Variants in ANO4 observed in about 807,000 individuals in gnomAD.
The protein encoded by ANO4 is anoctamin-4.
A neutral mutation model predicts 141.9 loss-of-function variants in ANO4; 69 were observed. The observed-to-expected ratio is 0.49, with a 90% confidence interval of 0.40 to 0.59. The LOEUF is 0.59. ANO4 is among the 20% of genes least tolerant of loss of function. The pLI, the probability that ANO4 is intolerant of heterozygous loss-of-function variation, is 0.00. For missense variants in ANO4, 894 were observed against 1,162.2 expected, an observed-to-expected ratio of 0.77 and a Z score of 3.36; for synonymous variants, 350 against 394.3, an observed-to-expected ratio of 0.89 and a Z score of 1.33.
chr12:101,011,011 G>T (rs1182547323), intron 8 of ANO4, among the ~76,000 whole-genome samples: 1 of 152,154 alleles, frequency 6.6e-6, no homozygotes. Flanking sequence ...GTCCAAAATG[G>T]TCTCTGTCAT....
At position 100,750,191 on chromosome 12, in the gene ANO4, G is replaced by T. The variant is rs550140102; in HGVS notation, c.358+10086G>T. Reference sequence around the variant, plus strand: ...ACTCCATCATCCAGGCTGTAGTGCAGTGGCATGATCTTGGCTCACTGCAAC... The same window carrying T: ...ACTCCATCATCCAGGCTGTAGTGCATTGGCATGATCTTGGCTCACTGCAAC... On this transcript the variant is annotated intron_variant, in intron 3 of 29. Transcript: ENST00000644049. Among the ~76,000 whole-genome samples, 196 of 151,606 alleles carry T rather than the reference G, an allele frequency of 1.3e-3. 2 individuals are homozygous for T. The highest frequency in any genetic ancestry group is 4.7e-3 in the African/African-American group (192 of 41,280).
chr12:100,811,255 G>T (rs891028041), intron 1 of ANO4, among the ~76,000 whole-genome samples: 2 of 152,072 alleles, frequency 1.3e-5, no homozygotes, highest in Non-Finnish European at 2.9e-5. Flanking sequence ...ATTGCTTTTA[G>T]CTAAAATCAA....
intron 10 of ANO4, chr12:101,039,037 A>G (rs1318700932): frequency 6.6e-6 from 1 of 152,210 alleles, no homozygotes; most frequent in Non-Finnish European, 1.5e-5. Flanking sequence ...TCAGAAAAAC[A>G]TGCACTTCTC....
At position 100,939,376 on chromosome 12, in the gene ANO4, T is replaced by A. The variant is rs772916802; in HGVS notation, c.222T>A (p.Asp74Glu). The A allele has an allele frequency of 6.2e-7, 1 of 1,613,814 alleles. No homozygotes were observed. Among genetic ancestry groups the A allele is most frequent in the South Asian group, 1.1e-5 (1 of 91,056 alleles). The change falls in exon 4 of 28, where the codon GAT becomes GAA. Residue 74 changes from aspartate (D) to glutamate (E), a missense_variant. Around this residue, in one of 2 missense-constraint regions of ANO4, gnomAD observed 257 missense variants for 253.0 expected, o/e 1.02. Transcript: ENST00000392977. ...AAGCTGTCAGCAGTCCTTGCAAAGA[T>A]GACGATTCTCTTCTTCACCCTGGAA... Reference protein sequence around the residue: ...ELEAVSSPCKDDDSLLHPGNL... With the variant: ...ELEAVSSPCKEDDSLLHPGNL...
At chr12:101,086,114 G>A (rs1368264642) in intron 16 of ANO4, among the ~76,000 whole-genome samples, 3 of 150,832 alleles carry the variant, frequency 2.0e-5, no homozygotes, top group African/African-American at 7.4e-5. Context: ...GTGTGTGTGT[G>A]TGTGTGTGTG....
At chr12:100,803,615 C>T (rs1291339163) in intron 1 of ANO4, among the ~76,000 whole-genome samples, 1 of 152,144 alleles carries the variant, frequency 6.6e-6, no homozygotes, top group Non-Finnish European at 1.5e-5. Context: ...GAAAATGTCT[C>T]CTAGCGGTGG....
At chr12:100,987,419 G>T in intron 7 of ANO4, 120 bp from the exon 8 acceptor site, 1 of 1,219,674 alleles carries the variant, frequency 8.2e-7, no homozygotes, top group East Asian at 2.4e-5. Context: ...TATCCTGAGT[G>T]CAGTGAGAGG....
At position 100,840,653 on chromosome 12, in the gene ANO4, G is replaced by A. The variant is rs2037191668; in HGVS notation, c.-141+45626G>A. Among the ~76,000 whole-genome samples, 4 of 152,244 alleles carry A rather than the reference G, an allele frequency of 2.6e-5. No homozygotes were observed. In the South Asian group the frequency reaches 6.2e-4, roughly 24 times the overall value. ...CCTATATCCCATTTTCTGAGTCACA[G>A]TCCCTCAGACATGTGAAGGCAGCAA... On this transcript the variant is annotated intron_variant, in intron 1 of 27. Transcript: ENST00000392977.
intron 1 of ANO4, among the ~76,000 whole-genome samples, chr12:100,876,134 G>T (rs192861011): frequency 6.6e-5 from 10 of 152,060 alleles, no homozygotes; most frequent in Non-Finnish European, 1.0e-4. Context: ...TTTATTTTTC[G>T]CCAGGCCCTA....
At chr12:100,914,593 A>C (rs1229078011) in intron 2 of ANO4, among the ~76,000 whole-genome samples, 1 of 152,194 alleles carries the variant, frequency 6.6e-6, no homozygotes, top group African/African-American at 2.4e-5. Context: ...GCCACACACA[A>C]AAAAAGGATT....
intron 10 of ANO4, among the ~76,000 whole-genome samples, chr12:101,037,979 A>C (rs868779182): frequency 1.3e-5 from 2 of 152,062 alleles, no homozygotes; most frequent in South Asian, 4.2e-4. Flanking sequence ...AGACGGTTCC[A>C]ACTCTCCGTA....
chr12:100,957,650 G>T (rs1251114801), intron 5 of ANO4, among the ~76,000 whole-genome samples: 1 of 152,092 alleles, frequency 6.6e-6, no homozygotes, highest in Non-Finnish European at 1.5e-5. Flanking sequence ...GAGTGCAGTG[G>T]CGCGATCTCA....
intron 3 of ANO4, among the ~76,000 whole-genome samples, chr12:100,773,128 C>T (rs772176160): frequency 6.6e-6 from 1 of 152,210 alleles, no homozygotes; most frequent in Non-Finnish European, 1.5e-5. Flanking sequence ...GATTAAGTGT[C>T]TGGTGAATGC....
chr12:100,833,206 A>G (rs1593460188), intron 1 of ANO4, among the ~76,000 whole-genome samples: 2 of 152,278 alleles, frequency 1.3e-5, no homozygotes, highest in East Asian at 3.9e-4. Context: ...CTTTTCAAAA[A>G]GTAATTAAAA....
At chr12:100,952,799 G>C (rs1266185414) in intron 5 of ANO4, among the ~76,000 whole-genome samples, 1 of 152,074 alleles carries the variant, frequency 6.6e-6, no homozygotes, top group Non-Finnish European at 1.5e-5. Context: ...CCTCATTATT[G>C]CCTCAACTGC....
chr12:100,881,349 C>T (rs1368370646), intron 1 of ANO4, among the ~76,000 whole-genome samples: 4 of 151,238 alleles, frequency 2.6e-5, no homozygotes, highest in African/African-American at 9.7e-5. Context: ...AAAACCCATT[C>T]CTTTATATTA....
chr12:100,732,423 GTTTTC>G (rs578196536), intron 1 of ANO4, among the ~76,000 whole-genome samples: 91 of 152,038 alleles, frequency 6.0e-4, no homozygotes, highest in African/African-American at 2.1e-3. Context: ...CAGCTTATTT[GTTTTC>G]TTATTGTTGT....
At chr12:100,734,266 A>G (rs2031514046) in intron 2 of ANO4, among the ~76,000 whole-genome samples, 1 of 152,226 alleles carries the variant, frequency 6.6e-6, no homozygotes, top group Non-Finnish European at 1.5e-5. Flanking sequence ...TGCTGTTTGG[A>G]GAACATGCTA....
At chr12:101,123,605 A>G (rs1424529946) in intron 26 of ANO4, among the ~76,000 whole-genome samples, 4 of 152,140 alleles carry the variant, frequency 2.6e-5, no homozygotes, top group East Asian at 3.9e-4. Flanking sequence ...TTTGCTGAGG[A>G]TAACAGCTTC....
Sources: gnomAD v4.1 joint callset for allele counts (sites outside exome capture counted in the v4.1 genomes callset) on GRCh38, gnomAD v4.1.1 for gene constraint, gnomAD v4.1.1 regional missense constraint, MANE v1.5 for transcripts, NCBI Gene and HGNC (gene_info 2026-07-23, HGNC 2026-07-21) for gene names.